NELL1: variants seen among roughly 807,000 people sequenced by gnomAD.
NELL1 encodes neural EGFL like 1.
In NELL1, 76 loss-of-function variants were observed where a neutral mutation model predicts 107.4. The observed-to-expected ratio is 0.71, with a 90% CI of 0.59 to 0.86. NELL1 has a LOEUF of 0.86. Among genes scored for constraint, NELL1 ranks in the 40% least tolerant of loss-of-function variants. NELL1 has a pLI of 0.00. For missense variants in NELL1, 1,024 were observed against 1,005.5 expected (o/e 1.02, Z -0.25); for synonymous variants, 353 against 341.2 (o/e 1.03, Z -0.38).
chr11:20,936,062 G>A (rs1850718439), intron 9 of NELL1, among the ~76,000 whole-genome samples: 1 of 152,134 alleles, frequency 6.6e-6, no homozygotes, highest in Non-Finnish European at 1.5e-5. Flanking sequence ...GTGCTCTCAG[G>A]ATCAATTCTG....
intron 13 of NELL1, among the ~76,000 whole-genome samples, chr11:21,206,179 T>G (rs1302434291): frequency 6.6e-6 from 1 of 152,290 alleles, no homozygotes; most frequent in Admixed American, 6.5e-5. Flanking sequence ...CAGGTCATAC[T>G]CTCTCCAAAG....
At chr11:21,467,227 C>T (rs1361724685) in intron 15 of NELL1, among the ~76,000 whole-genome samples, 3 of 152,046 alleles carry the variant, frequency 2.0e-5, no homozygotes, top group Non-Finnish European at 2.9e-5. Flanking sequence ...AGACAAGGTA[C>T]TCAGCCACTC....
intron 14 of NELL1, among the ~76,000 whole-genome samples, chr11:21,349,859 C>G (rs1350263793): frequency 1.3e-5 from 2 of 152,006 alleles, no homozygotes; most frequent in Non-Finnish European, 2.9e-5. Flanking sequence ...CAATAATGCC[C>G]TATGAAGCCA....
At chr11:20,824,549 A>C (rs959484247) in intron 3 of NELL1, among the ~76,000 whole-genome samples, 1 of 151,306 alleles carries the variant, frequency 6.6e-6, no homozygotes, top group Non-Finnish European at 1.5e-5. Flanking sequence ...GGGAAAGTTT[A>C]GAACTTCCTA....
chr11:20,928,219 G>A (rs1157551549), intron 8 of NELL1, among the ~76,000 whole-genome samples, 158 bp from the exon 9 acceptor site: 2 of 152,158 alleles, frequency 1.3e-5, no homozygotes. Flanking sequence ...ATTCGGGCCG[G>A]AGAAAACACT....
chr11:21,142,865 C>T (rs978270360), intron 13 of NELL1, among the ~76,000 whole-genome samples: 12 of 152,154 alleles, frequency 7.9e-5, no homozygotes, highest in African/African-American at 2.9e-4. Flanking sequence ...GTTGCTGAAC[C>T]TAATCCTAAT....
At chr11:21,065,657 G>A (rs1417619157) in intron 12 of NELL1, among the ~76,000 whole-genome samples, 1 of 152,192 alleles carries the variant, frequency 6.6e-6, no homozygotes, top group African/African-American at 2.4e-5. Flanking sequence ...CAACTGTGGA[G>A]TAAATAATTC....
At chr11:20,981,914 A>G (rs1281362111) in intron 12 of NELL1, among the ~76,000 whole-genome samples, 2 of 151,730 alleles carry the variant, frequency 1.3e-5, no homozygotes, top group African/African-American at 4.8e-5. Flanking sequence ...GGCTCAAACA[A>G]TGTCACCAAG....
At chr11:20,870,159 T>C (rs543280122) in intron 4 of NELL1, among the ~76,000 whole-genome samples, 44 of 152,290 alleles carry the variant, frequency 2.9e-4, no homozygotes, top group African/African-American at 9.9e-4. Flanking sequence ...ATTTTCTTTA[T>C]GTAAGAGGTA....
chr11:21,109,519 C>T (rs1031029099), intron 12 of NELL1, among the ~76,000 whole-genome samples: 2 of 152,086 alleles, frequency 1.3e-5, no homozygotes, highest in Non-Finnish European at 2.9e-5. Context: ...GACCATTGCT[C>T]AAGATATCTG....
intron 14 of NELL1, among the ~76,000 whole-genome samples, chr11:21,329,086 C>G (rs1850213369): frequency 6.6e-6 from 1 of 152,064 alleles, no homozygotes. Flanking sequence ...AACATGAGAA[C>G]TTGAGATTTG....
At chr11:20,682,949 GCTAA>G (rs919552075) in intron 2 of NELL1, among the ~76,000 whole-genome samples, 4 of 151,944 alleles carry the variant, frequency 2.6e-5, no homozygotes, top group African/African-American at 7.2e-5. Flanking sequence ...ATAGTTGGAG[GCTAA>G]CTTTTTATTT....
At chr11:21,145,507 A>G (rs1342353344) in intron 13 of NELL1, among the ~76,000 whole-genome samples, 1 of 152,246 alleles carries the variant, frequency 6.6e-6, no homozygotes, top group Non-Finnish European at 1.5e-5. Flanking sequence ...TAAATTAACC[A>G]GATATCAGAT....
At chr11:21,292,572 AAAAC>A (rs1380977517) in intron 14 of NELL1, among the ~76,000 whole-genome samples, 1 of 152,200 alleles carries the variant, frequency 6.6e-6, no homozygotes, top group Non-Finnish European at 1.5e-5. Flanking sequence ...GAGTTAGAAA[AAAAC>A]AAATTTAAAT....
intron 2 of NELL1, among the ~76,000 whole-genome samples, chr11:20,759,479 C>T (rs1448896004): frequency 2.0e-5 from 3 of 152,200 alleles, no homozygotes; most frequent in Non-Finnish European, 4.4e-5. Flanking sequence ...TTGCTAATAA[C>T]CATAAAACAT....
At chr11:21,166,189 C>A (rs748975149) in intron 13 of NELL1, among the ~76,000 whole-genome samples, 2 of 151,254 alleles carry the variant, frequency 1.3e-5, no homozygotes, top group Non-Finnish European at 2.9e-5. Flanking sequence ...CAAGTGAACC[C>A]ATGAAGATAG....
intron 14 of NELL1, among the ~76,000 whole-genome samples, chr11:21,234,182 G>C (rs73452274): frequency 0.011 from 1,620 of 152,348 alleles, 33 homozygotes; most frequent in African/African-American, 0.037. Context: ...GTAACTTGCA[G>C]AACCCAGAGA....
rs1410046698 is a variant in NELL1, at chr11:21,299,509, ATATGTGTGTGTGTGTGTGTG to A, written c.1549+70057_1549+70076del. Among the ~76,000 whole-genome samples the A allele has an allele frequency of 1.0e-4, 11 of 106,662 alleles. No individual in the cohort carries two copies. In the East Asian group the frequency reaches 2.9e-3, roughly 28 times the overall value. The allele number at this position is 106,662 out of a possible 152,430, so 70.0% of individuals were successfully genotyped here. On this transcript the variant is annotated intron_variant, in intron 14 of 19. Coordinates refer to ENST00000357134, the MANE Select transcript of NELL1 (RefSeq NM_006157.5). ...GGAAATTTCAACATTTTATTGTCTT[ATATGTGTGTGTGTGTGTGTG>A]TGTGTGTGTGTGTGTGTGTGTGTGT...
chr11:21,280,107 T>G (rs1198799729), intron 14 of NELL1, among the ~76,000 whole-genome samples: 2 of 152,186 alleles, frequency 1.3e-5, no homozygotes, highest in East Asian at 3.8e-4. Context: ...GCAGTGAAAC[T>G]ACTCTGTAAT....
Sources: allele counts gnomAD v4.1 joint callset (sites outside exome capture counted in the v4.1 genomes callset), GRCh38; gene constraint gnomAD v4.1.1; transcripts MANE v1.5; gene names NCBI Gene and HGNC (gene_info 2026-07-23, HGNC 2026-07-21).